ARHGAP15: variants seen among roughly 807,000 people sequenced by gnomAD.
ARHGAP15 encodes Rho GTPase activating protein 15, also known as rho GTPase-activating protein 15.
In ARHGAP15, 51 loss-of-function variants were observed where a neutral mutation model predicts 63.7. The ratio of observed to expected loss-of-function variants is 0.80; its 90% CI spans 0.64 to 1.01. ARHGAP15 has a LOEUF of 1.01. ARHGAP15 is among the 50% of genes least tolerant of loss of function. The pLI, the probability that ARHGAP15 is intolerant of heterozygous loss-of-function variation, is 0.00. For missense variants in ARHGAP15, 560 were observed against 564.6 expected (o/e 0.99, Z 0.08); for synonymous variants, 191 against 193.8 (o/e 0.99, Z 0.12).
chr2:143,132,228 A>C (rs1688941419), intron 1 of ARHGAP15, among the ~76,000 whole-genome samples: 1 of 152,230 alleles, frequency 6.6e-6, no homozygotes, highest in African/African-American at 2.4e-5. Context: ...TAGAGTGTGC[A>C]AAACTTCTTT....
intron 6 of ARHGAP15, among the ~76,000 whole-genome samples, chr2:143,275,281 T>G (rs1324685132): frequency 6.6e-6 from 1 of 151,998 alleles, no homozygotes; most frequent in Non-Finnish European, 1.5e-5. Context: ...TGGCAGAGAG[T>G]AGCTACTAAG....
chr2:143,418,141 T>C (rs987077890), intron 6 of ARHGAP15, among the ~76,000 whole-genome samples: 1 of 152,206 alleles, frequency 6.6e-6, no homozygotes, highest in African/African-American at 2.4e-5. Context: ...AGAGACTGTG[T>C]CCTGTGAGAA....
At chr2:143,265,488 G>A (rs540436171) in intron 6 of ARHGAP15, among the ~76,000 whole-genome samples, 48 of 152,168 alleles carry the variant, frequency 3.2e-4, no homozygotes, top group African/African-American at 1.1e-3. Flanking sequence ...TATTTTTATT[G>A]CAAATGGTAT....
At chr2:143,156,981 A>G (rs1690106535) in intron 2 of ARHGAP15, among the ~76,000 whole-genome samples, 1 of 151,970 alleles carries the variant, frequency 6.6e-6, no homozygotes. Flanking sequence ...TTTAAAAGTT[A>G]AGTATATTTA....
At chr2:143,297,095 C>A in intron 6 of ARHGAP15, among the ~76,000 whole-genome samples, 1 of 151,900 alleles carries the variant, frequency 6.6e-6, no homozygotes, top group Admixed American at 6.6e-5. Context: ...GAGGGGGAGC[C>A]TTTCCTATGA....
chr2:143,158,223 G>A (rs559200577), intron 2 of ARHGAP15, among the ~76,000 whole-genome samples: 35 of 151,828 alleles, frequency 2.3e-4, no homozygotes, highest in Middle Eastern at 3.4e-3. Context: ...AATTCCTCTC[G>A]TAAATTTTGT....
rs567266357 is a variant in ARHGAP15 at position 143,328,554 on chromosome 2, G to T, written c.474+77954G>T. Among the ~76,000 whole-genome samples, 11 of 152,188 alleles carry T rather than the reference G, an allele frequency of 7.2e-5. No individual in the cohort carries two copies. In the South Asian group the frequency reaches 2.3e-3, roughly 32 times the overall value. The stretch of plus-strand genomic sequence containing the variant: ...AACAATGAGAACACATGGACACAGG[G>T]AGGGGAACATCACACACCAGAGCCT... On this transcript the variant is annotated intron_variant, in intron 6 of 13. Coordinates refer to ENST00000295095, the MANE Select transcript of ARHGAP15 (RefSeq NM_018460.4).
intron 12 of ARHGAP15, among the ~76,000 whole-genome samples, chr2:143,649,078 A>G (rs770817464): frequency 9.2e-5 from 14 of 152,132 alleles, no homozygotes; most frequent in South Asian, 8.3e-4. Flanking sequence ...GGTCATAGAG[A>G]GCAAGGTATT....
At chr2:143,506,396 C>G (rs1303293733) in intron 9 of ARHGAP15, among the ~76,000 whole-genome samples, 1 of 152,084 alleles carries the variant, frequency 6.6e-6, no homozygotes, top group African/African-American at 2.4e-5. Context: ...GTTTTAATCC[C>G]CCTATAAAGT....
chr2:143,221,717 G>T (rs961368955), intron 4 of ARHGAP15, among the ~76,000 whole-genome samples: 1 of 152,292 alleles, frequency 6.6e-6, no homozygotes, highest in African/African-American at 2.4e-5. Context: ...ATCAGCTCCT[G>T]TGTGGCTCTG....
intron 10 of ARHGAP15, among the ~76,000 whole-genome samples, chr2:143,547,258 A>G (rs919801563): frequency 6.6e-6 from 1 of 152,172 alleles, no homozygotes; most frequent in Admixed American, 6.5e-5. Flanking sequence ...ATAGGACACT[A>G]TTGTTCCACT....
At chr2:143,553,530 C>CG (rs1019166944) in intron 10 of ARHGAP15, among the ~76,000 whole-genome samples, 3 of 152,200 alleles carry the variant, frequency 2.0e-5, no homozygotes, top group Non-Finnish European at 4.4e-5. Context: ...ACAACCACAG[C>CG]GGTAGCACAG....
At chr2:143,616,436 T>C (rs932642019) in intron 11 of ARHGAP15, among the ~76,000 whole-genome samples, 12 of 152,164 alleles carry the variant, frequency 7.9e-5, no homozygotes, top group Non-Finnish European at 1.6e-4. Context: ...ACTAAAGATA[T>C]TTCATATGAG....
Position 143,377,430 on chromosome 2 carries a change from AAAT to A in ARHGAP15, c.475-58164_475-58162del, listed in dbSNP as rs141752726. On this transcript the variant is annotated intron_variant, in intron 6 of 13. Transcript: ENST00000295095. ...TTATTTCAGAAAAATTGAAAAAATA[AAAT>A]AATAATGCCCAAAGTGTCTATTATT... Among the ~76,000 whole-genome samples, 533 of 152,040 alleles carry A rather than the reference AAAT, an allele frequency of 3.5e-3. 4 individuals are homozygous for A. The highest frequency in any genetic ancestry group is 0.012 in the African/African-American group (496 of 41,546).
chr2:143,580,152 T>C (rs1210591185), intron 11 of ARHGAP15, among the ~76,000 whole-genome samples: 3 of 151,876 alleles, frequency 2.0e-5, no homozygotes, highest in Non-Finnish European at 4.4e-5. Flanking sequence ...TTTTTTCTAC[T>C]TCATTTTATG....
chr2:143,642,819 C>G (rs1680672423), intron 12 of ARHGAP15, among the ~76,000 whole-genome samples: 1 of 152,086 alleles, frequency 6.6e-6, no homozygotes, highest in Admixed American at 6.6e-5. Flanking sequence ...TTGGCTCCAG[C>G]CAAGCACTGA....
intron 10 of ARHGAP15, among the ~76,000 whole-genome samples, chr2:143,537,314 C>T (rs901974651): frequency 1.5e-4 from 23 of 152,054 alleles, no homozygotes; most frequent in Admixed American, 6.6e-5. Context: ...AAAATTTTCT[C>T]CCATTCTGTA....
chr2:143,424,632 A>C (rs1332554234), intron 6 of ARHGAP15, among the ~76,000 whole-genome samples: 1 of 152,044 alleles, frequency 6.6e-6, no homozygotes, highest in African/African-American at 2.4e-5. Flanking sequence ...CTTTTCTTCT[A>C]CTAAATCTCA....
At chr2:143,558,127 C>T (rs1695884602) in intron 11 of ARHGAP15, among the ~76,000 whole-genome samples, 1 of 152,132 alleles carries the variant, frequency 6.6e-6, no homozygotes, top group South Asian at 2.1e-4. Flanking sequence ...TGTACTCTAG[C>T]TTCCCACTTA....
Sources: allele counts gnomAD v4.1 joint callset (sites outside exome capture counted in the v4.1 genomes callset), GRCh38; gene constraint gnomAD v4.1.1; transcripts MANE v1.5; gene names NCBI Gene and HGNC (gene_info 2026-07-23, HGNC 2026-07-21).